Variants in ATP6V1A observed in about 807,000 individuals in gnomAD.
ATP6V1A encodes V-type proton ATPase catalytic subunit A.
In ATP6V1A, 18 loss-of-function variants were observed where a neutral mutation model predicts 70.1. That is an observed-to-expected ratio of 0.26 (90% CI 0.18 to 0.38). The LOEUF is 0.38. Ranked by LOEUF, ATP6V1A falls within the 10% of genes least tolerant of loss-of-function variation. The pLI is 1.00. For synonymous variants in ATP6V1A, 232 were observed against 253.8 expected (o/e 0.91, Z 0.82); for missense variants, 424 against 772.4 (o/e 0.55, Z 5.35).
At position 113,795,119 on chromosome 3, in the gene ATP6V1A, C is replaced by T. The variant is rs745832133; in HGVS notation, c.1141C>T (p.Arg381Cys). ...DSGYPAYLGA[R>C]LASFYERAGR... Reference sequence around the variant, plus strand: ...TGGATATCCAGCCTATCTTGGTGCCCGTCTGGCCTCGTTTTATGAACGAGC... The same window carrying T: ...TGGATATCCAGCCTATCTTGGTGCCTGTCTGGCCTCGTTTTATGAACGAGC... Residue 381 changes from arginine (R) to cysteine (C), a missense_variant, in exon 10 of 15, where the codon CGT becomes TGT. Around this residue, in one of 9 missense-constraint regions of ATP6V1A, gnomAD observed 58 missense variants for 181.5 expected, o/e 0.32. Coordinates refer to ENST00000273398, the MANE Select transcript of ATP6V1A (RefSeq NM_001690.4). 6.2e-7 allele frequency: 1 copy of T among 1,614,074 alleles called. No homozygotes were observed. The highest frequency in any genetic ancestry group is 8.5e-7 in the Non-Finnish European group (1 of 1,180,004).
intron 13 of ATP6V1A, among the ~76,000 whole-genome samples, chr3:113,804,058 C>T (rs1423591241): frequency 2.6e-5 from 4 of 152,108 alleles, no homozygotes; most frequent in Admixed American, 2.0e-4. Context: ...AGTGCAGTGG[C>T]GCAATCTCAG....
At chr3:113,748,337 T>A (rs567754365) in intron 1 of ATP6V1A, among the ~76,000 whole-genome samples, 4 of 152,376 alleles carry the variant, frequency 2.6e-5, no homozygotes, top group South Asian at 4.1e-4. Context: ...TAAACTCTTT[T>A]ATTTATACTG....
intron 3 of ATP6V1A, among the ~76,000 whole-genome samples, chr3:113,782,573 C>CACATATATATATATATACATAT (rs1308546543): frequency 7.1e-6 from 1 of 141,208 alleles, no homozygotes; most frequent in African/African-American, 2.6e-5. Context: ...TATATATATA[C>CACATATATATATATATACATAT]GTATATATAT....
chr3:113,782,542 C>A (rs11921906), intron 3 of ATP6V1A, among the ~76,000 whole-genome samples: 8,540 of 141,066 alleles, frequency 0.061, 370 homozygotes, highest in African/African-American at 0.12. Context: ...CTCTCTCTCT[C>A]TATATATATA....
At position 113,786,396 on chromosome 3, in the gene ATP6V1A, T is replaced by A; in HGVS notation, c.716+13T>A. On this transcript the variant is annotated intron_variant, in intron 6 of 14. Coordinates refer to ENST00000273398, the MANE Select transcript of ATP6V1A (RefSeq NM_001690.4). The stretch of plus-strand genomic sequence containing the variant: ...ATGCCCTTTTTCCGTAAGTTTGAGA[T>A]GTGTCCCACGATTTTCCCTCAGAGT... 2 of 1,612,896 alleles carry A rather than the reference T, an allele frequency of 1.2e-6. No individual in the cohort carries two copies. Among genetic ancestry groups the A allele is most frequent in the Non-Finnish European group, 1.7e-6 (2 of 1,179,286 alleles).
chr3:113,779,874 C>CT (rs1172286311), intron 2 of ATP6V1A, among the ~76,000 whole-genome samples: 1 of 152,080 alleles, frequency 6.6e-6, no homozygotes, highest in African/African-American at 2.4e-5. Context: ...TTAAATTTTA[C>CT]TTTAAGTTCT....
intron 1 of ATP6V1A, among the ~76,000 whole-genome samples, chr3:113,778,283 A>G (rs1485634311): frequency 1.3e-5 from 2 of 152,186 alleles, no homozygotes; most frequent in South Asian, 4.1e-4. Flanking sequence ...AATTCCAGCT[A>G]CCCTGGAGGG....
chr3:113,779,209 T>G lies in ATP6V1A; in HGVS notation c.82+374T>G, dbSNP rs1708952989. On this transcript the variant is annotated intron_variant, in intron 2 of 14. Transcript: ENST00000273398. ...AGCAGGCATTCAGTAAATGTTAATT[T>G]GCTTTGAACTTTAATAATTCAAACG... 3 of 155,452 alleles carry G rather than the reference T, an allele frequency of 1.9e-5. No homozygotes were observed. The Admixed American group carries it at 2.0e-4, about 10-fold the overall frequency. 9.6% of individuals were successfully genotyped at this position (155,452 alleles called of 1,614,324 possible).
rs1234878847 is a variant in ATP6V1A at position 113,809,510 on chromosome 3, C to T, written c.*83C>T. The stretch of plus-strand genomic sequence containing the variant: ...TTTTCCTGAATTTCTCATCTCAAAC[C>T]CTTTGCTTCTTTATTGTGCAGCTTT... On this transcript the variant is annotated 3_prime_UTR_variant, in exon 15 of 15. Transcript: ENST00000273398. 9 of 1,273,792 alleles carry T rather than the reference C, an allele frequency of 7.1e-6. No individual in the cohort carries two copies. The highest frequency in any genetic ancestry group is 1.5e-5 in the African/African-American group (1 of 65,826). The allele number at this position is 1,273,792 out of a possible 1,614,324, so 78.9% of individuals were successfully genotyped here. A position where few individuals can be genotyped will look rare whatever the true frequency, so the allele number is the denominator to read the frequency against.
intron 1 of ATP6V1A, among the ~76,000 whole-genome samples, chr3:113,759,639 G>T (rs575468516): frequency 2.0e-5 from 3 of 151,734 alleles, no homozygotes; most frequent in South Asian, 4.2e-4. Flanking sequence ...CATAATTTTT[G>T]ATCTTAGAAG....
intron 1 of ATP6V1A, among the ~76,000 whole-genome samples, chr3:113,772,295 T>G (rs1188720760): frequency 1.3e-5 from 2 of 152,176 alleles, no homozygotes; most frequent in Non-Finnish European, 2.9e-5. Context: ...ATGGGAGTGC[T>G]TTTGGACTGG....
chr3:113,794,466 A>G (rs925039418), intron 8 of ATP6V1A, among the ~76,000 whole-genome samples: 1 of 152,220 alleles, frequency 6.6e-6, no homozygotes, highest in African/African-American at 2.4e-5. Context: ...GTTTATTTCA[A>G]GTGTTCAGGG....
chr3:113,759,293 T>G (rs1378726248), intron 1 of ATP6V1A, among the ~76,000 whole-genome samples: 1 of 151,446 alleles, frequency 6.6e-6, no homozygotes, highest in African/African-American at 2.4e-5. Flanking sequence ...ACGGGTTTTT[T>G]TTTTTTTTTG....
chr3:113,788,108 A>T (rs1469432012), intron 6 of ATP6V1A, among the ~76,000 whole-genome samples: 1 of 152,114 alleles, frequency 6.6e-6, no homozygotes, highest in Admixed American at 6.6e-5. Context: ...TTTTATAGAG[A>T]CAGGGTCTTG....
In ATP6V1A at chr3:113,786,527, A is replaced by G. The variant is rs1469731400; in HGVS notation, c.716+144A>G. On this transcript the variant is annotated intron_variant, in intron 6 of 14. Coordinates refer to ENST00000273398, the MANE Select transcript of ATP6V1A (RefSeq NM_001690.4). Reference sequence around the variant, plus strand: ...TAATAATGGTGAATTAAATATTTTTATCTATTGCTAGCACTTATTATAAAT... The same window carrying G: ...TAATAATGGTGAATTAAATATTTTTGTCTATTGCTAGCACTTATTATAAAT... 4.8e-6 allele frequency: 4 copies of G among 835,816 alleles called. No individual in the cohort carries two copies. The Admixed American group carries it at 1.0e-4, about 21-fold the overall frequency. 51.8% of individuals were successfully genotyped at this position (835,816 alleles called of 1,614,324 possible).
chr3:113,762,651 C>T (rs1459417496), intron 1 of ATP6V1A, among the ~76,000 whole-genome samples: 2 of 152,142 alleles, frequency 1.3e-5, no homozygotes, highest in Admixed American at 1.3e-4. Context: ...AGTGCTAATA[C>T]ACCATGAAGG....
In ATP6V1A at chr3:113,778,789, A is replaced by T; in HGVS notation, c.36A>T (p.Glu12Asp). ...CCAAGCTACCCAAAATACTCGATGAAGATAAAGAAAGCACATTTGGTTATG... is the reference window on the plus strand; with the variant it reads ...CCAAGCTACCCAAAATACTCGATGATGATAAAGAAAGCACATTTGGTTATG... ...DFSKLPKILD[E>D]DKESTFGYVH... The change falls in exon 2 of 15, where the codon GAA becomes GAT. Residue 12 changes from glutamate (E) to aspartate (D), a missense_variant. Around this residue, in one of 9 missense-constraint regions of ATP6V1A, gnomAD observed 21 missense variants for 20.4 expected, o/e 1.03. Coordinates refer to ENST00000273398, the MANE Select transcript of ATP6V1A (RefSeq NM_001690.4). 1.3e-6 allele frequency: 2 copies of T among 1,594,964 alleles called. No individual in the cohort carries two copies. The highest frequency in any genetic ancestry group is 1.7e-6 in the Non-Finnish European group (2 of 1,170,982).
At chr3:113,782,587 C>A (rs1175266974) in intron 3 of ATP6V1A, among the ~76,000 whole-genome samples, 1 of 140,618 alleles carries the variant, frequency 7.1e-6, no homozygotes, top group East Asian at 2.0e-4. Context: ...TATATATACA[C>A]ATATATATAT....
intron 1 of ATP6V1A, among the ~76,000 whole-genome samples, chr3:113,776,594 G>A (rs138078021): frequency 1.2e-3 from 181 of 152,264 alleles, no homozygotes; most frequent in Non-Finnish European, 1.7e-3. Flanking sequence ...CAAGCCTTAC[G>A]TATTTCCAGA....
Sources: allele counts gnomAD v4.1 joint callset (sites outside exome capture counted in the v4.1 genomes callset), GRCh38; gene constraint gnomAD v4.1.1; regional missense constraint gnomAD v4.1.1; transcripts MANE v1.5; gene names NCBI Gene and HGNC (gene_info 2026-07-23, HGNC 2026-07-21).